The following FRMPD4 variants were observed in gnomAD, a reference collection of about 807,000 sequenced individuals.
FRMPD4 encodes FERM and PDZ domain-containing protein 4.
A neutral mutation model predicts 94.1 loss-of-function variants in FRMPD4; 22 were observed. The observed-to-expected ratio is 0.23, with a 90% CI of 0.17 to 0.33. The LOEUF is 0.33. FRMPD4 is among the 10% of genes least tolerant of loss of function. The pLI is 1.00. For missense variants in FRMPD4, 1,111 were observed against 1,339.9 expected (o/e 0.83, Z 2.67); for synonymous variants, 631 against 548.6 (o/e 1.15, Z -2.10).
At chrX:12,555,196 T>A (rs1411168511) in intron 2 of FRMPD4, among the ~76,000 whole-genome samples, 5 of 111,493 alleles carry the variant, frequency 4.5e-5, no homozygotes, top group Non-Finnish European at 9.4e-5. Context: ...TAGTCTCCTC[T>A]TGTCAATGGA....
At chrX:12,327,884 G>A (rs1466699981) in intron 1 of FRMPD4, among the ~76,000 whole-genome samples, 2 of 111,353 alleles carry the variant, frequency 1.8e-5, no homozygotes, top group Admixed American at 1.9e-4. Context: ...TACAAAAGTG[G>A]CCCCATTTCT....
chrX:11,999,922 G>A (rs2054515713), intron 3 of FRMPD4, among the ~76,000 whole-genome samples: 1 of 111,573 alleles, frequency 9.0e-6, no homozygotes. Flanking sequence ...GTATAGACGA[G>A]CCTTTCCTTG....
At chrX:12,590,491 G>A (rs2058972102) in intron 2 of FRMPD4, among the ~76,000 whole-genome samples, 1 of 111,789 alleles carries the variant, frequency 8.9e-6, no homozygotes, top group South Asian at 3.7e-4. Context: ...ACTATACCAA[G>A]TTTAATATGA....
At chrX:12,532,440 A>G (rs1424775280) in intron 2 of FRMPD4, among the ~76,000 whole-genome samples, 1 of 111,788 alleles carries the variant, frequency 8.9e-6, no homozygotes, top group Non-Finnish European at 1.9e-5. Flanking sequence ...TGTTACTTTC[A>G]CTGACCTCTG....
At chrX:12,148,030 G>A (rs4830459) in intron 1 of FRMPD4, among the ~76,000 whole-genome samples, 35,626 of 110,749 alleles carry the variant, frequency 0.32, 6,213 homozygotes, top group East Asian at 0.63. Context: ...AGGCTCCCCT[G>A]TTCCTTGAGA....
intron 3 of FRMPD4, among the ~76,000 whole-genome samples, chrX:11,895,127 C>T (rs771490702): frequency 8.9e-4 from 99 of 111,656 alleles, no homozygotes; most frequent in Non-Finnish European, 1.6e-3. Context: ...CAGATTACAG[C>T]AGAGCAGTTT....
chrX:12,597,220 G>A (rs749092604), intron 2 of FRMPD4, among the ~76,000 whole-genome samples: 2 of 112,382 alleles, frequency 1.8e-5, no homozygotes, highest in East Asian at 5.6e-4. Context: ...GCAGCTTTAG[G>A]GAAACTGACA....
intron 3 of FRMPD4, among the ~76,000 whole-genome samples, chrX:11,956,304 C>A (rs1176584333): frequency 9.0e-6 from 1 of 111,730 alleles, no homozygotes; most frequent in African/African-American, 3.3e-5. Flanking sequence ...CCTACTGAAA[C>A]TGGAGGCAAC....
intron 14 of FRMPD4, among the ~76,000 whole-genome samples, chrX:12,714,726 T>G (rs975909860): frequency 9.0e-6 from 1 of 111,522 alleles, no homozygotes; most frequent in Admixed American, 9.5e-5. Flanking sequence ...GCTGAACTAG[T>G]CTTCCTCCTG....
chrX:11,830,406 G>T (rs2053468358), intron 1 of FRMPD4, among the ~76,000 whole-genome samples: 1 of 111,019 alleles, frequency 9.0e-6, no homozygotes, highest in Non-Finnish European at 1.9e-5. Flanking sequence ...CATATTTCAT[G>T]ATTTTTTTTC....
intron 3 of FRMPD4, among the ~76,000 whole-genome samples, chrX:12,110,546 C>G (rs1405741337): frequency 1.8e-5 from 2 of 111,514 alleles, no homozygotes; most frequent in Admixed American, 1.9e-4. Context: ...TCCTACTCAA[C>G]ATAGTGTTGG....
rs751823678 is a variant in FRMPD4 at position 12,022,484 on chromosome X, C to T, written c.95+144466C>T. Among the ~76,000 whole-genome samples, 11 of 112,197 alleles carry T rather than the reference C, an allele frequency of 9.8e-5. No individual in the cohort carries two copies. In the East Asian group the frequency reaches 2.8e-3, roughly 29 times the overall value. On this transcript the variant is annotated intron_variant, in intron 3 of 18. Coordinates refer to the FRMPD4 transcript ENST00000640291. ...CACTTCTCTTCTCCCTTGCCAGGAG[C>T]AGCTCACTCCTAGGTCATTCCATGT...
intron 3 of FRMPD4, chrX:12,054,707 A>G (rs749183094): frequency 8.9e-6 from 1 of 112,283 alleles, no homozygotes; most frequent in East Asian, 2.8e-4. Flanking sequence ...CTCTGGCAAG[A>G]TGAACATAAA....
intron 3 of FRMPD4, among the ~76,000 whole-genome samples, chrX:11,946,456 C>A (rs1254178383): frequency 9.0e-6 from 1 of 111,163 alleles, no homozygotes; most frequent in Non-Finnish European, 1.9e-5. Flanking sequence ...TATGTCATTT[C>A]CAAGCAGCAG....
rs144771998 is a variant in FRMPD4, at chrX:12,342,206, T to C, written c.42-156474T>C. Among the ~76,000 whole-genome samples, 472 of 112,120 alleles carry C rather than the reference T, an allele frequency of 4.2e-3. 3 individuals carry two copies. Among genetic ancestry groups the C allele is most frequent in the African/African-American group, 0.015 (450 of 30,895 alleles). ...AAAGGAATAAAATAACAGTTGTCTCTAGGGTTCCATAATCTAAAAGAGGAA... is the reference window on the plus strand; with the variant it reads ...AAAGGAATAAAATAACAGTTGTCTCCAGGGTTCCATAATCTAAAAGAGGAA... On this transcript the variant is annotated intron_variant, in intron 1 of 16. Transcript: ENST00000675598.
chrX:12,167,499 G>A lies in FRMPD4; in HGVS notation c.41+28487G>A, dbSNP rs16986794. 2.4e-4 allele frequency among the ~76,000 whole-genome samples: 27 copies of A among 111,272 alleles called. 1 individual carries two copies. In the East Asian group the frequency reaches 6.8e-3, roughly 28 times the overall value. ...TTGGCTCCAGTAATCTAGTTTTCTC[G>A]GATGGTGGGATTTTAATTGGGGGAA... is the stretch of plus-strand genomic sequence containing the variant. On this transcript the variant is annotated intron_variant, in intron 1 of 16. Coordinates refer to ENST00000675598, the MANE Select transcript of FRMPD4 (RefSeq NM_001368397.1).
chrX:12,193,829 G>GAAA (rs397944432), intron 1 of FRMPD4, among the ~76,000 whole-genome samples: 3 of 24,794 alleles, frequency 1.2e-4, no homozygotes, highest in Admixed American at 9.5e-4. Context: ...GAAGGAAGGA[G>GAAA]GGAAGGAAGA....
At chrX:12,358,895 G>C (rs1353077725) in intron 1 of FRMPD4, among the ~76,000 whole-genome samples, 2 of 112,185 alleles carry the variant, frequency 1.8e-5, no homozygotes, top group Non-Finnish European at 3.8e-5. Context: ...CAGTGTGTCA[G>C]TCCTAATGAT....
intron 1 of FRMPD4, among the ~76,000 whole-genome samples, chrX:12,171,313 G>A (rs1601657453): frequency 8.9e-6 from 1 of 111,852 alleles, no homozygotes. Context: ...GTGCATCCCC[G>A]TTTGGCATGC....
Sources: allele counts gnomAD v4.1 joint callset (sites outside exome capture counted in the v4.1 genomes callset), GRCh38; gene constraint gnomAD v4.1.1; transcripts MANE v1.5; gene names NCBI Gene and HGNC (gene_info 2026-07-23, HGNC 2026-07-21).